The following LSP1 variants were observed in gnomAD, a reference collection of about 807,000 sequenced individuals.
LSP1 encodes the protein lymphocyte-specific protein 1.
Under a neutral mutation model 49.3 loss-of-function variants are expected in LSP1, and 32 were observed. The observed-to-expected ratio is 0.65, with a 90% CI of 0.49 to 0.87. The LOEUF is 0.87. LSP1 is among the 40% of genes least tolerant of loss of function. LSP1 has a pLI of 0.00. For missense variants in LSP1, 428 were observed against 442.6 expected (o/e 0.97, Z 0.30); for synonymous variants, 179 against 178.8 (o/e 1.00, Z -0.01).
chr11:1,857,550 C>T (rs1847520404), intron 1 of LSP1, among the ~76,000 whole-genome samples: 1 of 152,190 alleles, frequency 6.6e-6, no homozygotes, highest in Non-Finnish European at 1.5e-5. Context: ...CTTGCAGTCC[C>T]AGCCCCTGAG....
chr11:1,859,046 C>T (rs553425741), intron 1 of LSP1, among the ~76,000 whole-genome samples: 48 of 152,270 alleles, frequency 3.2e-4, no homozygotes, highest in Non-Finnish European at 5.4e-4. Flanking sequence ...CTGTATCCCC[C>T]GGCAGGAGGA....
At chr11:1,872,597 G>A (rs1423502264) in intron 1 of LSP1, among the ~76,000 whole-genome samples, 1 of 145,606 alleles carries the variant, frequency 6.9e-6, no homozygotes, top group Non-Finnish European at 1.5e-5. Context: ...GTGTGTGGCA[G>A]GCAGGCCTGG....
At position 1,871,064 on chromosome 11, in the gene LSP1, G is replaced by A. The variant is rs931196926; in HGVS notation, c.54-9023G>A. 4.1e-6 allele frequency: 4 copies of A among 985,622 alleles called. No homozygotes were observed. In the South Asian group the frequency reaches 1.4e-4, roughly 35 times the overall value. The allele number at this position is 985,622 out of a possible 1,614,324, so 61.1% of individuals were successfully genotyped here. ...CGCATGCGAGGGTGAGAGCTGCGGC[G>A]GAGGACGCTGATCGCGGAGTGCAGG... is the stretch of plus-strand genomic sequence containing the variant. On this transcript the variant is annotated intron_variant, in intron 1 of 10. Transcript: ENST00000311604.
rs200511773 is a variant in LSP1 at position 1,884,066 on chromosome 11, G to A, written c.591+42G>A. ...AGCCTGCCATCTTCTCCCCTCTCCC[G>A]TACTCATACCCAAAAGGCCAATCCC... On this transcript the variant is annotated intron_variant, in intron 5 of 10. Transcript: ENST00000311604. This position sits in a 1 kb window ranked among gnomAD's most constrained non-coding sequence, Gnocchi z 4.1. 9.8e-5 allele frequency: 154 copies of A among 1,568,732 alleles called. 3 individuals carry two copies. The highest frequency in any genetic ancestry group is 8.3e-4 in the South Asian group (73 of 87,450).
chr11:1,866,487 T>A (rs1847792924), intron 1 of LSP1: 1 of 1,489,052 alleles, frequency 6.7e-7, no homozygotes, highest in East Asian at 2.5e-5. Flanking sequence ...GGCTCCGATC[T>A]GGTCCCCACC....
rs1554972243 is a variant in LSP1, at chr11:1,860,849, T to TATGGGTGGATGATTGG, written c.53+7657_53+7672dup. Reference sequence around the variant, plus strand: ...GAAGGACACATGAGATGGAATTATGTATGGGTGGATGATTGGATGGCTGGA... The same window carrying TATGGGTGGATGATTGG: ...GAAGGACACATGAGATGGAATTATGTATGGGTGGATGATTGGATGGGTGGATGATTGGATGGCTGGA... On this transcript the variant is annotated intron_variant, in intron 1 of 10. Coordinates refer to ENST00000311604, the MANE Select transcript of LSP1 (RefSeq NM_002339.3). Among the ~76,000 whole-genome samples the TATGGGTGGATGATTGG allele has an allele frequency of 2.4e-3, 359 of 151,854 alleles. 2 individuals carry two copies. The highest frequency in any genetic ancestry group is 8.2e-3 in the African/African-American group (338 of 41,366).
rs530281185 is a variant in LSP1 at position 1,883,667 on chromosome 11, G to T, written c.498+107G>T. ...GCCCTGTGGGTCTAGCCCAGAGTGG[G>T]TCAGCACCCCACACCCCTAGACCTT... On this transcript the variant is annotated intron_variant, in intron 4 of 10. Coordinates refer to ENST00000311604, the MANE Select transcript of LSP1 (RefSeq NM_002339.3). 3.6e-6 allele frequency: 5 copies of T among 1,392,284 alleles called. No homozygotes were observed. The East Asian group carries it at 1.2e-4, about 35-fold the overall frequency. 86.2% of individuals were successfully genotyped at this position (1,392,284 alleles called of 1,614,324 possible). A position where few individuals can be genotyped will look rare whatever the true frequency, so the allele number is the denominator to read the frequency against.
intron 1 of LSP1, chr11:1,870,944 G>A (rs994103104): frequency 4.1e-6 from 4 of 985,914 alleles, no homozygotes; most frequent in African/African-American, 1.7e-5. Context: ...GAGCAAAGGC[G>A]GGAGGCGCAG....
chr11:1,878,311 G>A (rs543992980), intron 1 of LSP1, among the ~76,000 whole-genome samples: 6 of 152,350 alleles, frequency 3.9e-5, no homozygotes, highest in African/African-American at 1.4e-4. Flanking sequence ...GCCTCCTCAG[G>A]TGGAACAAGG....
At chr11:1,881,113 C>G in intron 2 of LSP1, 1 of 283,858 alleles carries the variant, frequency 3.5e-6, no homozygotes, top group Admixed American at 5.0e-5. Flanking sequence ...CAGGGAGCCC[C>G]AAACTGATGA....
intron 1 of LSP1, among the ~76,000 whole-genome samples, chr11:1,867,180 C>T (rs1348967818): frequency 6.6e-6 from 1 of 152,142 alleles, no homozygotes; most frequent in Non-Finnish European, 1.5e-5. Flanking sequence ...TTTGAACTCC[C>T]TTGGAACTTG....
In LSP1 at chr11:1,875,040, C is replaced by T. The variant is rs532340116; in HGVS notation, c.54-5047C>T. On this transcript the variant is annotated intron_variant, in intron 1 of 10. Coordinates refer to ENST00000311604, the MANE Select transcript of LSP1 (RefSeq NM_002339.3). The stretch of plus-strand genomic sequence containing the variant: ...GGGTGGGGCCCACAGTCTCCTTTCT[C>T]GCGGCCTCCCTGGGCTGACCCTGGG... 5.6e-4 allele frequency among the ~76,000 whole-genome samples: 85 copies of T among 152,322 alleles called. 1 individual carries two copies. Among genetic ancestry groups the T allele is most frequent in the African/African-American group, 2.0e-3 (83 of 41,574 alleles).
rs1848637653 is a variant in LSP1, at chr11:1,883,573, C to T, written c.498+13C>T. ...GGAACAGGAGGAGGTGATGGCTCCA[C>T]CTCAGAGGGTCTGGGTGTACCCCCA... On this transcript the variant is annotated intron_variant, in intron 4 of 10. Coordinates refer to ENST00000311604, the MANE Select transcript of LSP1 (RefSeq NM_002339.3). 3 of 1,601,290 alleles carry T rather than the reference C, an allele frequency of 1.9e-6. No individual in the cohort carries two copies. The South Asian group carries it at 3.3e-5, about 18-fold the overall frequency.
intron 1 of LSP1, among the ~76,000 whole-genome samples, chr11:1,867,129 C>T (rs773942852): frequency 3.9e-5 from 6 of 152,126 alleles, no homozygotes; most frequent in Admixed American, 6.5e-5. Flanking sequence ...ACCTCACTTG[C>T]GGTGGTCAGC....
intron 1 of LSP1, among the ~76,000 whole-genome samples, chr11:1,874,067 C>T (rs1049832451): frequency 1.7e-3 from 161 of 96,426 alleles, no homozygotes; most frequent in African/African-American, 2.4e-3. Flanking sequence ...GCAGGGAGGC[C>T]GGCAGAGGAG....
intron 1 of LSP1, chr11:1,866,375 C>G: frequency 2.7e-6 from 3 of 1,106,846 alleles, no homozygotes; most frequent in Non-Finnish European, 2.5e-6. Flanking sequence ...GCCAGGGATG[C>G]CCATGGGGGT....
intron 1 of LSP1, among the ~76,000 whole-genome samples, chr11:1,878,109 G>C (rs1848387287): frequency 6.6e-6 from 1 of 152,138 alleles, no homozygotes; most frequent in African/African-American, 2.4e-5. Flanking sequence ...CCCAGGCCCA[G>C]GGACACACAC....
intron 1 of LSP1, among the ~76,000 whole-genome samples, chr11:1,855,402 C>G (rs901282242): frequency 6.6e-6 from 1 of 152,184 alleles, no homozygotes; most frequent in Non-Finnish European, 1.5e-5. Flanking sequence ...CAGCCTGTGA[C>G]GGTCTCAGGA....
intron 1 of LSP1, among the ~76,000 whole-genome samples, chr11:1,853,811 A>G (rs1847420944): frequency 6.6e-6 from 1 of 152,024 alleles, no homozygotes; most frequent in Admixed American, 6.5e-5. Flanking sequence ...GAGTGGGGAC[A>G]TGAGGGGGCA....
Sources: allele counts gnomAD v4.1 joint callset (sites outside exome capture counted in the v4.1 genomes callset), GRCh38; gene constraint gnomAD v4.1.1; non-coding constraint Gnocchi (gnomAD v3.1); transcripts MANE v1.5; gene names NCBI Gene and HGNC (gene_info 2026-07-23, HGNC 2026-07-21).